The following KCTD8 variants were observed in gnomAD, a reference collection of about 807,000 sequenced individuals.
KCTD8 encodes the protein BTB/POZ domain-containing protein KCTD8.
In KCTD8, 27 loss-of-function variants were observed where a neutral mutation model predicts 31.5. That is an observed-to-expected ratio of 0.86 (90% CI 0.63 to 1.18). The LOEUF is 1.18. KCTD8 is among the 50% of genes most tolerant of loss of function. The pLI is 0.00. For missense variants in KCTD8, 658 were observed against 647.7 expected (o/e 1.02, Z -0.17); for synonymous variants, 290 against 280.0 (o/e 1.04, Z -0.36).
intron 1 of KCTD8, among the ~76,000 whole-genome samples, chr4:44,260,467 T>C (rs1324200822): frequency 6.6e-6 from 1 of 151,694 alleles, no homozygotes; most frequent in Non-Finnish European, 1.5e-5. Flanking sequence ...GATAAAAACA[T>C]TGAAGAAAAA....
intron 1 of KCTD8, among the ~76,000 whole-genome samples, chr4:44,331,916 C>T (rs1254675163): frequency 6.6e-6 from 1 of 151,046 alleles, no homozygotes; most frequent in East Asian, 1.9e-4. Flanking sequence ...TGAAACCCTA[C>T]AATAATCCAC....
At chr4:44,264,938 C>T (rs1716297101) in intron 1 of KCTD8, among the ~76,000 whole-genome samples, 1 of 152,212 alleles carries the variant, frequency 6.6e-6, no homozygotes, top group African/African-American at 2.4e-5. Context: ...CTGCCTGCCT[C>T]TGTAGGCTCC....
intron 1 of KCTD8, among the ~76,000 whole-genome samples, chr4:44,187,958 AACACACACACAC>A (rs143071896): frequency 3.5e-5 from 5 of 144,650 alleles, no homozygotes; most frequent in East Asian, 4.1e-4. Flanking sequence ...GGAAGAGGTA[AACACACACACAC>A]ACACACACAC....
intron 1 of KCTD8, among the ~76,000 whole-genome samples, chr4:44,445,100 A>G (rs1721908127): frequency 6.6e-6 from 1 of 152,226 alleles, no homozygotes; most frequent in African/African-American, 2.4e-5. Flanking sequence ...TAAGATAAAC[A>G]CATTTGGTCA....
intron 1 of KCTD8, among the ~76,000 whole-genome samples, chr4:44,234,254 TAAAC>T (rs1443562915): frequency 1.3e-5 from 2 of 152,282 alleles, no homozygotes; most frequent in South Asian, 2.1e-4. Context: ...CTATAGAAGA[TAAAC>T]AATAAAATCA....
At chr4:44,413,841 T>C (rs1721012974) in intron 1 of KCTD8, among the ~76,000 whole-genome samples, 1 of 152,022 alleles carries the variant, frequency 6.6e-6, no homozygotes, top group African/African-American at 2.4e-5. Context: ...AAGAGCCCAA[T>C]GCCATCATGA....
intron 1 of KCTD8, 68 bp downstream of exon 1, chr4:44,447,495 G>A: frequency 3.5e-6 from 5 of 1,447,934 alleles, no homozygotes; most frequent in Non-Finnish European, 4.5e-6. Flanking sequence ...GCCTCCAGCG[G>A]GGCTCAAACT....
intron 1 of KCTD8, among the ~76,000 whole-genome samples, chr4:44,231,896 C>G (rs1196547677): frequency 6.6e-6 from 1 of 152,046 alleles, no homozygotes; most frequent in East Asian, 1.9e-4. Context: ...GAAATTAAAT[C>G]AGGCTGGCTA....
At chr4:44,438,672 G>A (rs975281705) in intron 1 of KCTD8, among the ~76,000 whole-genome samples, 1 of 152,104 alleles carries the variant, frequency 6.6e-6, no homozygotes, top group African/African-American at 2.4e-5. Context: ...AATGATAACA[G>A]GACCTTTTCA....
intron 1 of KCTD8, among the ~76,000 whole-genome samples, chr4:44,347,926 C>A (rs927013866): frequency 1.3e-4 from 20 of 152,058 alleles, no homozygotes; most frequent in African/African-American, 4.1e-4. Flanking sequence ...CATAATACAG[C>A]CTTTCACTTG....
At chr4:44,184,261 C>T (rs1348367038) in intron 1 of KCTD8, among the ~76,000 whole-genome samples, 1 of 152,096 alleles carries the variant, frequency 6.6e-6, no homozygotes, top group South Asian at 2.1e-4. Flanking sequence ...AGTAAAACTG[C>T]CATGCTACAT....
chr4:44,417,362 A>T (rs1721100133), intron 1 of KCTD8, among the ~76,000 whole-genome samples: 1 of 152,198 alleles, frequency 6.6e-6, no homozygotes, highest in African/African-American at 2.4e-5. Flanking sequence ...ACAGGATACT[A>T]CTCGCTAGGA....
chr4:44,376,453 A>G (rs1199546369), intron 1 of KCTD8, among the ~76,000 whole-genome samples: 1 of 152,176 alleles, frequency 6.6e-6, no homozygotes, highest in African/African-American at 2.4e-5. Context: ...CCAGAGAGTA[A>G]TGCACTTTGA....
chr4:44,224,561 C>T (rs1401584373), intron 1 of KCTD8, among the ~76,000 whole-genome samples: 2 of 151,742 alleles, frequency 1.3e-5, no homozygotes, highest in Non-Finnish European at 2.9e-5. Context: ...TGTAATTTCT[C>T]ACCTCAATGC....
Position 44,316,091 on chromosome 4 carries a change from C to G in KCTD8, c.961+131472G>C, listed in dbSNP as rs1718100935. Among the ~76,000 whole-genome samples, 4 of 152,048 alleles carry G rather than the reference C, an allele frequency of 2.6e-5. No homozygotes were observed. The South Asian group carries it at 8.3e-4, about 32-fold the overall frequency. ...CCCATTTTTTTATTACTTAACTTTC[C>G]TCATAATCATTTTCTTCTGTTTCTT... On this transcript the variant is annotated intron_variant, in intron 1 of 1. Transcript: ENST00000360029.
chr4:44,393,907 A>C (rs2109451754), intron 1 of KCTD8, among the ~76,000 whole-genome samples: 1 of 152,008 alleles, frequency 6.6e-6, no homozygotes, highest in African/African-American at 2.4e-5. Flanking sequence ...AAATAAAAGT[A>C]AATAGTATTT....
intron 1 of KCTD8, among the ~76,000 whole-genome samples, chr4:44,225,633 G>T (rs967592835): frequency 6.6e-6 from 1 of 151,754 alleles, no homozygotes; most frequent in East Asian, 1.9e-4. Flanking sequence ...CGATGGTGAT[G>T]ATTAAAAAAA....
intron 1 of KCTD8, among the ~76,000 whole-genome samples, chr4:44,375,669 A>T (rs1719898733): frequency 6.6e-6 from 1 of 152,088 alleles, no homozygotes; most frequent in Non-Finnish European, 1.5e-5. Context: ...GAAGTAAGGG[A>T]GTACTTTGAA....
chr4:44,178,329 T>A (rs1426884909), intron 1 of KCTD8, among the ~76,000 whole-genome samples: 2 of 152,110 alleles, frequency 1.3e-5, no homozygotes, highest in African/African-American at 4.8e-5. Context: ...CAGTTCAGTG[T>A]GAAGGGCTGG....
Sources: gnomAD v4.1 joint callset for allele counts (sites outside exome capture counted in the v4.1 genomes callset) on GRCh38, gnomAD v4.1.1 for gene constraint, MANE v1.5 for transcripts, NCBI Gene and HGNC (gene_info 2026-07-23, HGNC 2026-07-21) for gene names.